RASSF8: variants seen among roughly 807,000 people sequenced by gnomAD.
The protein encoded by RASSF8 is ras association domain-containing protein 8.
In RASSF8, 22 loss-of-function variants were observed where a neutral mutation model predicts 48.5. That is an observed-to-expected ratio of 0.45 (90% CI 0.32 to 0.65). The LOEUF is 0.65. Ranked by LOEUF, RASSF8 falls within the 30% of genes least tolerant of loss-of-function variation. The probability of loss-of-function intolerance (pLI) is 0.03; values close to 1 mark genes in which losing one functional copy is unlikely to be tolerated. For missense variants in RASSF8, 418 were observed against 489.2 expected (o/e 0.85, Z 1.37); for synonymous variants, 127 against 171.5 (o/e 0.74, Z 2.03).
intron 2 of RASSF8, among the ~76,000 whole-genome samples, chr12:26,036,002 C>T (rs1008831531): frequency 1.3e-5 from 2 of 149,118 alleles, no homozygotes; most frequent in Non-Finnish European, 3.0e-5. Context: ...TGATTTCACT[C>T]CTCTGAGCAT....
At chr12:25,999,239 T>G (rs1297400221) in intron 2 of RASSF8, among the ~76,000 whole-genome samples, 4 of 152,236 alleles carry the variant, frequency 2.6e-5, no homozygotes, top group African/African-American at 9.6e-5. Context: ...ATTAGTTTCC[T>G]GATTCACAGT....
intron 2 of RASSF8, among the ~76,000 whole-genome samples, chr12:26,040,104 T>C (rs1013962940): frequency 3.9e-5 from 6 of 152,240 alleles, no homozygotes; most frequent in African/African-American, 1.4e-4. Context: ...ACTGTGGTTC[T>C]TTTGTTTTAT....
intron 2 of RASSF8, among the ~76,000 whole-genome samples, chr12:26,012,873 A>G (rs1228992422): frequency 6.6e-6 from 1 of 151,786 alleles, no homozygotes; most frequent in Non-Finnish European, 1.5e-5. Flanking sequence ...ACGGAGTCTC[A>G]CTTTGTTGCC....
Position 26,071,076 on chromosome 12 carries a change from C to T in RASSF8, c.*2258C>T, listed in dbSNP as rs547728938. Reference sequence around the variant, plus strand: ...AGATTTAAAAAAATTTCCTAGGCGACGAAAGTATAGAAATGTGAATATGTT... The same window carrying T: ...AGATTTAAAAAAATTTCCTAGGCGATGAAAGTATAGAAATGTGAATATGTT... On this transcript the variant is annotated 3_prime_UTR_variant, in exon 6 of 6. Coordinates refer to ENST00000689635, the MANE Select transcript of RASSF8 (RefSeq NM_001394098.1). 17 of 979,896 alleles carry T rather than the reference C, an allele frequency of 1.7e-5. No individual in the cohort carries two copies. In the African/African-American group the frequency reaches 2.3e-4, roughly 13 times the overall value. 60.7% of individuals were successfully genotyped at this position (979,896 alleles called of 1,614,324 possible).
intron 1 of RASSF8, among the ~76,000 whole-genome samples, chr12:25,973,169 A>C (rs1941522730): frequency 6.6e-6 from 1 of 152,054 alleles, no homozygotes; most frequent in Admixed American, 6.6e-5. Context: ...TCTCCCCAGA[A>C]TAAGCAAATA....
chr12:25,985,894 T>C (rs1268481450), intron 1 of RASSF8, among the ~76,000 whole-genome samples: 1 of 152,196 alleles, frequency 6.6e-6, no homozygotes, highest in Non-Finnish European at 1.5e-5. Flanking sequence ...CTGGGACATA[T>C]GTTCTTTAAC....
chr12:26,033,616 A>T (rs1707096227), intron 2 of RASSF8, among the ~76,000 whole-genome samples: 1 of 152,138 alleles, frequency 6.6e-6, no homozygotes, highest in Non-Finnish European at 1.5e-5. Flanking sequence ...TTTTTTAATG[A>T]TAGAGGCATA....
At chr12:26,044,235 C>G (rs1943325580) in intron 2 of RASSF8, among the ~76,000 whole-genome samples, 1 of 152,040 alleles carries the variant, frequency 6.6e-6, no homozygotes, top group African/African-American at 2.4e-5. Flanking sequence ...CCATTTCATT[C>G]CATGAGTTTC....
upstream of RASSF8, chr12:25,958,475 G>A (rs1252010649): frequency 2.0e-5 from 3 of 151,470 alleles, no homozygotes; most frequent in East Asian, 2.0e-4. Flanking sequence ...TCCCAGTTCC[G>A]TTACGAGGTC....
At position 25,994,712 on chromosome 12, in the gene RASSF8, G is replaced by A. The variant is rs543485358; in HGVS notation, c.-202-325G>A. The stretch of plus-strand genomic sequence containing the variant: ...ATCAGTGTGGTATCACAGGGAGCTG[G>A]GGTCAGTAGAAAAAGAAGACACAAA... On this transcript the variant is annotated intron_variant, in intron 1 of 5. Transcript: ENST00000689635. 5.6e-4 allele frequency among the ~76,000 whole-genome samples: 85 copies of A among 152,258 alleles called. 4 individuals are homozygous for A. In the South Asian group the frequency reaches 0.017, roughly 31 times the overall value.
At chr12:26,057,791 T>C (rs1943641257) in intron 3 of RASSF8, among the ~76,000 whole-genome samples, 1 of 152,212 alleles carries the variant, frequency 6.6e-6, no homozygotes, top group Admixed American at 6.5e-5. Context: ...CAGCATCTGT[T>C]GTTTCCTGAC....
At chr12:26,028,639 G>T (rs1177537986) in intron 2 of RASSF8, among the ~76,000 whole-genome samples, 2 of 152,142 alleles carry the variant, frequency 1.3e-5, no homozygotes, top group Non-Finnish European at 2.9e-5. Context: ...TTAACTAACA[G>T]AATTGAAACA....
At chr12:26,062,760 C>T (rs910746879) in intron 3 of RASSF8, among the ~76,000 whole-genome samples, 2 of 152,186 alleles carry the variant, frequency 1.3e-5, no homozygotes. Context: ...ATTCTGTGGT[C>T]AGCCCTTTTG....
chr12:25,989,064 A>G (rs1471228049), intron 1 of RASSF8, among the ~76,000 whole-genome samples: 1 of 152,174 alleles, frequency 6.6e-6, no homozygotes, highest in East Asian at 1.9e-4. Context: ...GTACTTACCA[A>G]GCGGTAGTAA....
intron 2 of RASSF8, among the ~76,000 whole-genome samples, chr12:26,041,755 C>T (rs956676608): frequency 7.2e-5 from 11 of 151,938 alleles, no homozygotes; most frequent in Admixed American, 5.2e-4. Flanking sequence ...CAATATGACA[C>T]GAATTTGTAT....
rs565072890 is a variant in RASSF8, at chr12:26,023,680, C to CA, written c.-109+28559dup. ...CATTAAAAACAAAAAAAACAAAAAA[C>CA]AAAAAAAAACAGGAAAGGTAATTAG... On this transcript the variant is annotated intron_variant, in intron 2 of 5. Coordinates refer to ENST00000689635, the MANE Select transcript of RASSF8 (RefSeq NM_001394098.1). Among the ~76,000 whole-genome samples the CA allele has an allele frequency of 7.5e-3, 1,112 of 147,890 alleles. 13 individuals carry two copies. Among genetic ancestry groups the CA allele is most frequent in the African/African-American group, 0.024 (966 of 40,416 alleles).
chr12:26,078,622 T>C (rs1944090947), intron 5 of RASSF8, among the ~76,000 whole-genome samples: 1 of 152,242 alleles, frequency 6.6e-6, no homozygotes, highest in Admixed American at 6.5e-5. Flanking sequence ...AAATCTGAAT[T>C]GAATTACCCT....
chr12:26,071,753 C>G lies in RASSF8; in HGVS notation c.*2935C>G. The G allele has an allele frequency of 2.0e-6, 2 of 983,430 alleles. No individual in the cohort carries two copies. The highest frequency in any genetic ancestry group is 9.4e-5 in the South Asian group (2 of 21,238). The allele number at this position is 983,430 out of a possible 1,614,324, so 60.9% of individuals were successfully genotyped here. On this transcript the variant is annotated 3_prime_UTR_variant, in exon 6 of 6. Transcript: ENST00000689635. ...GAGGTAATCATCAATTCCTATAGTT[C>G]AAATTAGTCATAAACAAGAGCTACA...
chr12:25,974,258 G>A (rs1376002303), intron 1 of RASSF8, among the ~76,000 whole-genome samples: 2 of 152,138 alleles, frequency 1.3e-5, no homozygotes, highest in Non-Finnish European at 2.9e-5. Context: ...GGAGGTGAAA[G>A]AAAGAAGAGG....
Sources: allele counts gnomAD v4.1 joint callset (sites outside exome capture counted in the v4.1 genomes callset), GRCh38; gene constraint gnomAD v4.1.1; transcripts MANE v1.5; gene names NCBI Gene and HGNC (gene_info 2026-07-23, HGNC 2026-07-21).